GNL2: variants seen among roughly 807,000 people sequenced by gnomAD.
GNL2 encodes G protein nucleolar 2, also known as nucleolar GTP-binding protein 2.
A neutral mutation model predicts 92.3 loss-of-function variants in GNL2; 51 were observed. That is an observed-to-expected ratio of 0.55 (90% confidence interval 0.44 to 0.70). GNL2 has a LOEUF of 0.70. Among genes scored for constraint, GNL2 ranks in the 30% least tolerant of loss-of-function variants. GNL2 has a pLI of 0.00. For synonymous variants in GNL2, 283 were observed against 300.6 expected (o/e 0.94, Z 0.61); for missense variants, 844 against 895.6 (o/e 0.94, Z 0.74).
chr1:37,577,728 T>C (rs916236495), intron 8 of GNL2, among the ~76,000 whole-genome samples: 3 of 152,226 alleles, frequency 2.0e-5, no homozygotes, highest in Admixed American at 1.3e-4. Flanking sequence ...CCTCTTAAGA[T>C]AGGGCTGAAA....
At chr1:37,595,651 A>G in intron 1 of GNL2, 108 bp downstream of exon 1, 1 of 912,662 alleles carries the variant, frequency 1.1e-6, no homozygotes, top group Non-Finnish European at 1.8e-6. Flanking sequence ...GCTCGTAGTC[A>G]TTCTAAGCAA....
chr1:37,592,908 G>A, intron 2 of GNL2, 102 bp from the exon 3 acceptor site: 2 of 701,948 alleles, frequency 2.8e-6, no homozygotes, highest in East Asian at 2.6e-5. Context: ...TTCTTACTTT[G>A]GTTTTAAATG....
chr1:37,578,184 A>C (rs1643708072), intron 8 of GNL2, among the ~76,000 whole-genome samples: 1 of 152,156 alleles, frequency 6.6e-6, no homozygotes, highest in Non-Finnish European at 1.5e-5. Context: ...CATGCCTGTA[A>C]TCCCAGAACT....
At chr1:37,567,885 A>G in intron 14 of GNL2, 121 bp from the exon 15 acceptor site, 1 of 749,574 alleles carries the variant, frequency 1.3e-6, no homozygotes, top group East Asian at 2.6e-5. Flanking sequence ...GCAGGTGAGC[A>G]CAGTGGTGAG....
At chr1:37,579,895 C>CAAA (rs34353424) in intron 8 of GNL2, among the ~76,000 whole-genome samples, 152 of 73,586 alleles carry the variant, frequency 2.1e-3, no homozygotes, top group Middle Eastern at 9.6e-3. Flanking sequence ...GACTCTGCCT[C>CAAA]AAAAAAAAAA....
At chr1:37,587,713 C>G (rs543206662) in intron 4 of GNL2, among the ~76,000 whole-genome samples, 2 of 152,274 alleles carry the variant, frequency 1.3e-5, no homozygotes, top group Non-Finnish European at 2.9e-5. Context: ...TGTAAGCTTC[C>G]TTGGAGAAAT....
intron 12 of GNL2, chr1:37,570,965 T>C (rs1210315346): frequency 6.6e-6 from 1 of 152,190 alleles, no homozygotes; most frequent in Non-Finnish European, 1.5e-5. Context: ...AAAGTGATGT[T>C]CTAAAGTCAA....
chr1:37,573,467 T>G (rs775017426), intron 12 of GNL2, among the ~76,000 whole-genome samples: 1 of 152,218 alleles, frequency 6.6e-6, no homozygotes, highest in Admixed American at 6.5e-5. Context: ...GAAATGGGGA[T>G]AGTAGGAGAG....
intron 8 of GNL2, chr1:37,581,626 C>A: frequency 2.5e-6 from 1 of 406,180 alleles, no homozygotes; most frequent in South Asian, 1.7e-5. Flanking sequence ...CTCTTATAAT[C>A]CTGATGCTCT....
chr1:37,577,225 G>C (rs1643692389), intron 8 of GNL2, among the ~76,000 whole-genome samples: 2 of 151,996 alleles, frequency 1.3e-5, no homozygotes, highest in African/African-American at 4.8e-5. Flanking sequence ...TCATCAACTG[G>C]ACAATCCCAC....
chr1:37,577,399 C>T (rs1243387580), intron 8 of GNL2, among the ~76,000 whole-genome samples: 1 of 152,080 alleles, frequency 6.6e-6, no homozygotes, highest in Non-Finnish European at 1.5e-5. Context: ...TGGAGGCTTC[C>T]GATTAAAGAT....
chr1:37,574,040 G>A (rs560647465), intron 12 of GNL2, among the ~76,000 whole-genome samples: 55 of 152,126 alleles, frequency 3.6e-4, no homozygotes, highest in African/African-American at 1.3e-3. Flanking sequence ...CTACAGGAGC[G>A]TGCCATCATG....
rs1367920543 is a variant in GNL2 at position 37,567,775 on chromosome 1, A to G, written c.1952-11T>C. ...CCTTTTTGGAAGGTGCTGGATACAAACAATACACAAACAGGAATTTTCTAT... is the reference window on the plus strand; with the variant it reads ...CCTTTTTGGAAGGTGCTGGATACAAGCAATACACAAACAGGAATTTTCTAT... On this transcript the variant is annotated splice_polypyrimidine_tract_variant and intron_variant, in intron 14 of 15. Transcript: ENST00000373062. 6.3e-7 allele frequency: 1 copy of G among 1,597,298 alleles called. No individual in the cohort carries two copies. Among genetic ancestry groups the G allele is most frequent in the South Asian group, 1.1e-5 (1 of 90,740 alleles).
At position 37,593,826 on chromosome 1, in the gene GNL2, C is replaced by G; in HGVS notation, c.85G>C (p.Gly29Arg). Residue 29 changes from glycine to arginine, a missense_variant, in exon 2 of 16, where the codon GGC becomes CGC. Gly to Arg is a moderately radical substitution (Grantham distance 125). Coordinates refer to ENST00000373062, the MANE Select transcript of GNL2 (RefSeq NM_013285.3). ...TNPDRVQGAG[G>R]QNMRDRATIR... ...GTGGCCCGGTCCCTCATGTTTTGGC[C>G]TCCTGCTCCCTGCACTCGATCTACA... 6.2e-7 allele frequency: 1 copy of G among 1,613,476 alleles called. No individual in the cohort carries two copies. The highest frequency in any genetic ancestry group is 8.5e-7 in the Non-Finnish European group (1 of 1,179,712).
At chr1:37,582,526 A>G (rs532634872) in intron 7 of GNL2, among the ~76,000 whole-genome samples, 190 bp from the exon 8 acceptor site, 5 of 152,266 alleles carry the variant, frequency 3.3e-5, no homozygotes, top group African/African-American at 9.6e-5. Context: ...TTATAAATAC[A>G]AAACAATATT....
chr1:37,579,053 C>A (rs1176626185), intron 8 of GNL2, among the ~76,000 whole-genome samples: 1 of 151,874 alleles, frequency 6.6e-6, no homozygotes, highest in African/African-American at 2.4e-5. Flanking sequence ...TAGCAGAAAA[C>A]ACAAAAAAAC....
chr1:37,588,303 C>G (rs1028964997), intron 4 of GNL2, among the ~76,000 whole-genome samples: 1 of 152,142 alleles, frequency 6.6e-6, no homozygotes, highest in South Asian at 2.1e-4. Flanking sequence ...ACCCTTTTCC[C>G]CCTAGTACAA....
rs780844756 is a variant in GNL2, at chr1:37,576,418, C to A, written c.1038+10G>T. On this transcript the variant is annotated intron_variant, in intron 9 of 15. Coordinates refer to ENST00000373062, the MANE Select transcript of GNL2 (RefSeq NM_013285.3). ...TATGCAAAAGTAAGGTCACCCTGCG[C>A]CCAACGTACCTTTGTTTCACCTGCA... 1.2e-6 allele frequency: 2 copies of A among 1,612,458 alleles called. No homozygotes were observed. The highest frequency in any genetic ancestry group is 8.5e-7 in the Non-Finnish European group (1 of 1,179,040).
intron 12 of GNL2, among the ~76,000 whole-genome samples, chr1:37,572,985 G>C (rs544411322): frequency 6.6e-6 from 1 of 152,276 alleles, no homozygotes; most frequent in South Asian, 2.1e-4. Context: ...CTCCCCTGCT[G>C]GAATATATGT....
Sources: allele counts gnomAD v4.1 joint callset (sites outside exome capture counted in the v4.1 genomes callset), GRCh38; gene constraint gnomAD v4.1.1; transcripts MANE v1.5; gene names NCBI Gene and HGNC (gene_info 2026-07-23, HGNC 2026-07-21).